TASP1: variants seen among roughly 807,000 people sequenced by gnomAD.
TASP1 encodes threonine aspartase 1.
In TASP1, 16 loss-of-function variants were observed where a neutral mutation model predicts 56.6. That is an observed-to-expected ratio of 0.28 (90% CI 0.19 to 0.43). The LOEUF (loss-of-function observed/expected upper bound fraction) is 0.43, where lower values mean the gene tolerates loss of function less well. Ranked by LOEUF, TASP1 falls within the 20% of genes least tolerant of loss-of-function variation. The pLI, the probability that TASP1 is intolerant of heterozygous loss-of-function variation, is 1.00. For missense variants in TASP1, 393 were observed against 511.6 expected (o/e 0.77, Z 2.24); for synonymous variants, 179 against 184.2 (o/e 0.97, Z 0.23).
chr20:13,431,265 T>C (rs780263639), intron 12 of TASP1, among the ~76,000 whole-genome samples: 2 of 152,134 alleles, frequency 1.3e-5, no homozygotes, highest in African/African-American at 2.4e-5. Context: ...GAAAAAGTCA[T>C]AAAGTCATGG....
chr20:13,325,914 A>T, the TASP1 span, among the ~76,000 whole-genome samples: 1 of 152,202 alleles, frequency 6.6e-6, no homozygotes, highest in African/African-American at 2.4e-5. Flanking sequence ...CACGTCGACC[A>T]TCAAAAAAGT....
At chr20:13,429,741 T>C (rs1242375132) in intron 12 of TASP1, among the ~76,000 whole-genome samples, 1 of 152,176 alleles carries the variant, frequency 6.6e-6, no homozygotes, top group African/African-American at 2.4e-5. Flanking sequence ...TATTTTAGTA[T>C]ACATAAGAAG....
At chr20:13,437,682 T>C (rs2043055418) in intron 11 of TASP1, among the ~76,000 whole-genome samples, 1 of 152,170 alleles carries the variant, frequency 6.6e-6, no homozygotes, top group Admixed American at 6.5e-5. Flanking sequence ...AAAATCAATG[T>C]GCAAAAATCA....
chr20:13,221,338 T>G, the TASP1 span, among the ~76,000 whole-genome samples: 1 of 143,196 alleles, frequency 7.0e-6, no homozygotes, highest in Admixed American at 6.9e-5. Context: ...CGCGGCCACA[T>G]CTGGGGCGCC....
intron 11 of TASP1, among the ~76,000 whole-genome samples, chr20:13,474,248 A>G (rs978455844): frequency 1.3e-5 from 2 of 152,182 alleles, no homozygotes; most frequent in Non-Finnish European, 2.9e-5. Context: ...AGCGGTATAT[A>G]CTGTGCCCAA....
chr20:13,310,540 T>C, the TASP1 span, among the ~76,000 whole-genome samples: 26 of 152,308 alleles, frequency 1.7e-4, no homozygotes, highest in African/African-American at 6.3e-4. Context: ...TGCCCAAATA[T>C]GTAGGCAACA....
chr20:13,476,459 C>T (rs2042954082), intron 11 of TASP1, among the ~76,000 whole-genome samples: 3 of 152,124 alleles, frequency 2.0e-5, no homozygotes, highest in Non-Finnish European at 4.4e-5. Context: ...TCAGAAGATT[C>T]CAGGATCTCC....
the TASP1 span, among the ~76,000 whole-genome samples, chr20:13,221,411 AG>A: frequency 7.0e-6 from 1 of 142,998 alleles, no homozygotes; most frequent in African/African-American, 2.5e-5. Context: ...CCCTGCCAGC[AG>A]GGTGGCCTCC....
intron 5 of TASP1, among the ~76,000 whole-genome samples, chr20:13,585,593 A>G (rs925212936): frequency 2.2e-5 from 3 of 137,446 alleles, no homozygotes; most frequent in African/African-American, 5.9e-5. Context: ...AAAGGCTCTT[A>G]TAAGTCACTA....
intron 11 of TASP1, among the ~76,000 whole-genome samples, chr20:13,445,372 A>C (rs1388540864): frequency 6.6e-6 from 1 of 152,220 alleles, no homozygotes; most frequent in Non-Finnish European, 1.5e-5. Flanking sequence ...AATTCAGTTG[A>C]GAAGAAAAAA....
At chr20:13,209,672 CATT>C in the TASP1 span, among the ~76,000 whole-genome samples, 1 of 152,134 alleles carries the variant, frequency 6.6e-6, no homozygotes, top group Non-Finnish European at 1.5e-5. Flanking sequence ...ATATTACTAA[CATT>C]ATCTAAAAAA....
the TASP1 span, among the ~76,000 whole-genome samples, chr20:13,241,729 C>CA: frequency 2.6e-5 from 4 of 152,106 alleles, no homozygotes; most frequent in East Asian, 7.7e-4. Flanking sequence ...GAAGGAAGGG[C>CA]AGTTGGATTT....
chr20:13,214,188 T>C, the TASP1 span, among the ~76,000 whole-genome samples: 1 of 152,214 alleles, frequency 6.6e-6, no homozygotes, highest in Non-Finnish European at 1.5e-5. Context: ...GAGGATCTCC[T>C]TACTCTTAAG....
chr20:13,150,574 A>G, the TASP1 span, among the ~76,000 whole-genome samples: 1 of 152,218 alleles, frequency 6.6e-6, no homozygotes, highest in African/African-American at 2.4e-5. Flanking sequence ...AAGGAACACT[A>G]TTCTATGTCC....
chr20:13,358,831 C>A, the TASP1 span, among the ~76,000 whole-genome samples: 1 of 150,894 alleles, frequency 6.6e-6, no homozygotes, highest in Non-Finnish European at 1.5e-5. Context: ...TGGTCCTTCA[C>A]CCTTAGCGGC....
intron 13 of TASP1, among the ~76,000 whole-genome samples, chr20:13,403,534 ATTC>A (rs2041814522): frequency 6.6e-6 from 1 of 152,186 alleles, no homozygotes; most frequent in Non-Finnish European, 1.5e-5. Flanking sequence ...AATTTTCAGA[ATTC>A]TATCAAAGCA....
the TASP1 span, among the ~76,000 whole-genome samples, chr20:13,232,732 G>T: frequency 1.3e-5 from 2 of 152,186 alleles, no homozygotes; most frequent in African/African-American, 2.4e-5. Context: ...CACATAAAGT[G>T]TTTAGGATCT....
At chr20:13,398,939 C>T (rs1001729386) in intron 13 of TASP1, among the ~76,000 whole-genome samples, 4 of 152,126 alleles carry the variant, frequency 2.6e-5, no homozygotes, top group Non-Finnish European at 5.9e-5. Flanking sequence ...TCTCTTTAAG[C>T]CCTCTATAAT....
intron 10 of TASP1, among the ~76,000 whole-genome samples, chr20:13,497,129 G>C (rs571385922): frequency 6.6e-6 from 1 of 152,288 alleles, no homozygotes; most frequent in South Asian, 2.1e-4. Context: ...CAAAAATGTA[G>C]GGTAGAGCAG....
Sources: gnomAD v4.1 joint callset for allele counts (sites outside exome capture counted in the v4.1 genomes callset) on GRCh38, gnomAD v4.1.1 for gene constraint, MANE v1.5 for transcripts, NCBI Gene and HGNC (gene_info 2026-07-23, HGNC 2026-07-21) for gene names.